The following MAP2K4 variants were observed in gnomAD, a reference collection of about 807,000 sequenced individuals.
MAP2K4 encodes the protein mitogen-activated protein kinase kinase 4.
MAP2K4 carries 4 observed loss-of-function variants against 48.5 expected under a neutral mutation model. The observed-to-expected ratio is 0.08, with a 90% confidence interval of 0.04 to 0.19. The LOEUF (loss-of-function observed/expected upper bound fraction) is 0.19. Ranked by LOEUF, MAP2K4 falls within the 10% of genes least tolerant of loss-of-function variation. The pLI, the probability that MAP2K4 is intolerant of heterozygous loss-of-function variation, is 1.00. For missense variants in MAP2K4, 258 were observed against 493.3 expected (o/e 0.52, Z 4.52); for synonymous variants, 166 against 173.1 (o/e 0.96, Z 0.32).
At chr17:12,113,722 C>CT (rs557049887) in intron 7 of MAP2K4, among the ~76,000 whole-genome samples, 5 of 152,276 alleles carry the variant, frequency 3.3e-5, no homozygotes, top group Non-Finnish European at 4.4e-5. Context: ...GCAGAATTCA[C>CT]TATGTATTAC....
chr17:12,076,200 C>T (rs1970996272), intron 2 of MAP2K4, among the ~76,000 whole-genome samples: 1 of 151,480 alleles, frequency 6.6e-6, no homozygotes, highest in Admixed American at 6.6e-5. Flanking sequence ...TTCCAGGCAG[C>T]TTTATTAGAC....
intron 10 of MAP2K4, among the ~76,000 whole-genome samples, chr17:12,140,114 T>C (rs1323582531): frequency 6.6e-6 from 1 of 152,216 alleles, no homozygotes; most frequent in African/African-American, 2.4e-5. Context: ...TCTTAACATG[T>C]TATAAAAATT....
intron 9 of MAP2K4, among the ~76,000 whole-genome samples, chr17:12,131,645 G>C (rs1360946423): frequency 6.6e-6 from 1 of 151,950 alleles, no homozygotes; most frequent in Non-Finnish European, 1.5e-5. Flanking sequence ...AGGATAATAT[G>C]GGAGAATGTT....
At chr17:12,062,525 CAG>C (rs1970482124) in intron 2 of MAP2K4, among the ~76,000 whole-genome samples, 1 of 152,094 alleles carries the variant, frequency 6.6e-6, no homozygotes, top group Admixed American at 6.5e-5. Context: ...TTGTAGAGGA[CAG>C]GGTCTTGCTA....
intron 1 of MAP2K4, among the ~76,000 whole-genome samples, chr17:12,030,730 G>A (rs1006028278): frequency 1.3e-5 from 2 of 151,198 alleles, no homozygotes; most frequent in Non-Finnish European, 2.9e-5. Flanking sequence ...TGCTCCTTTC[G>A]CCATCCATAT....
intron 5 of MAP2K4, 50 bp downstream of exon 5, chr17:12,107,959 A>T: frequency 7.0e-7 from 1 of 1,434,596 alleles, no homozygotes; most frequent in Non-Finnish European, 9.2e-7. Context: ...TTATATAGAG[A>T]TGCTGCTGGA....
chr17:12,081,640 T>A lies in MAP2K4; in HGVS notation c.393+110T>A. On this transcript the variant is annotated intron_variant, in intron 3 of 10. Transcript: ENST00000353533. This position sits in a 1 kb window ranked among gnomAD's most constrained non-coding sequence, Gnocchi z 4.2. ...TACTTTTGTGGTAAATGTGGGTGTT[T>A]AAAAAATTGTTTCTCCAACTCCTTT... 1 of 1,118,068 alleles carries A rather than the reference T, an allele frequency of 8.9e-7. No individual in the cohort carries two copies. Among genetic ancestry groups the A allele is most frequent in the Non-Finnish European group, 1.3e-6 (1 of 783,320 alleles). 69.3% of individuals were successfully genotyped at this position (1,118,068 alleles called of 1,614,324 possible). A position where few individuals can be genotyped will look rare whatever the true frequency, so the allele number is the denominator to read the frequency against.
Position 12,062,059 on chromosome 17 carries a change from TC to T in MAP2K4, c.218+7076del, listed in dbSNP as rs1268752539. On this transcript the variant is annotated intron_variant, in intron 2 of 10. Coordinates refer to ENST00000353533, the MANE Select transcript of MAP2K4 (RefSeq NM_003010.4). Reference sequence around the variant, plus strand: ...AGTTGGTCACTCAGTTCTCCCCCTCTCCCCCCCCTTTTTTTCTTTTTTTGAG... The same window carrying T: ...AGTTGGTCACTCAGTTCTCCCCCTCTCCCCCCCTTTTTTTCTTTTTTTGAG... 7.9e-5 allele frequency among the ~76,000 whole-genome samples: 11 copies of T among 139,680 alleles called. No individual in the cohort carries two copies. The East Asian group carries it at 1.4e-3, about 18-fold the overall frequency. 91.6% of individuals were successfully genotyped at this position (139,680 alleles called of 152,430 possible).
intron 6 of MAP2K4, among the ~76,000 whole-genome samples, chr17:12,112,505 G>T (rs955014697): frequency 6.6e-6 from 1 of 151,136 alleles, no homozygotes; most frequent in Admixed American, 6.6e-5. Context: ...GTTAGGAATG[G>T]ATGTTTGATA....
intron 3 of MAP2K4, among the ~76,000 whole-genome samples, chr17:12,086,330 T>TA (rs1971361000): frequency 6.6e-6 from 1 of 152,140 alleles, no homozygotes; most frequent in Admixed American, 6.5e-5. Context: ...ATGAAAAGTG[T>TA]AAGTAGAGCA....
intron 2 of MAP2K4, among the ~76,000 whole-genome samples, chr17:12,074,770 G>T (rs28922871): frequency 0.46 from 69,662 of 151,988 alleles, 16,849 homozygotes; most frequent in East Asian, 0.56. Context: ...CAACTCAAGG[G>T]TACTGCCAGG....
intron 9 of MAP2K4, among the ~76,000 whole-genome samples, chr17:12,138,644 A>G (rs1301803562): frequency 1.3e-5 from 2 of 152,178 alleles, no homozygotes; most frequent in Non-Finnish European, 1.5e-5. Context: ...CAAGAAGAGA[A>G]GTTAACCCAG....
intron 2 of MAP2K4, among the ~76,000 whole-genome samples, chr17:12,072,290 T>A (rs1054678155): frequency 6.6e-6 from 1 of 152,222 alleles, no homozygotes; most frequent in Non-Finnish European, 1.5e-5. Flanking sequence ...TATCTTGATT[T>A]CAACATTTAT....
chr17:12,041,789 A>G (rs1053992338), intron 1 of MAP2K4, among the ~76,000 whole-genome samples: 1 of 152,216 alleles, frequency 6.6e-6, no homozygotes. Flanking sequence ...TTATTGAAGA[A>G]ATATTTGAGT....
At chr17:12,121,737 T>C (rs1446371048) in intron 7 of MAP2K4, among the ~76,000 whole-genome samples, 2 of 152,200 alleles carry the variant, frequency 1.3e-5, no homozygotes, top group Non-Finnish European at 2.9e-5. Context: ...TCCCTCATGA[T>C]TAGATTCAGA....
chr17:12,135,827 G>A (rs1973189495), intron 9 of MAP2K4, among the ~76,000 whole-genome samples: 1 of 152,192 alleles, frequency 6.6e-6, no homozygotes, highest in East Asian at 1.9e-4. Flanking sequence ...TGGCATTACA[G>A]GGGTGAACCA....
chr17:12,076,482 G>A (rs1379911944), intron 2 of MAP2K4, among the ~76,000 whole-genome samples: 1 of 152,068 alleles, frequency 6.6e-6, no homozygotes, highest in Admixed American at 6.6e-5. Flanking sequence ...TAATCGGGAA[G>A]GACTTCACTG....
intron 1 of MAP2K4, among the ~76,000 whole-genome samples, chr17:12,051,925 T>A (rs572040947): frequency 0.01 from 1,474 of 144,438 alleles, 21 homozygotes; most frequent in African/African-American, 0.033. Context: ...TGCCTTTTTT[T>A]AAAAAAAAAA....
In MAP2K4 at chr17:12,045,910, G is replaced by A. The variant is rs561443813; in HGVS notation, c.116-8979G>A. Among the ~76,000 whole-genome samples the A allele has an allele frequency of 3.9e-5, 6 of 152,306 alleles. No homozygotes were observed. In the South Asian group the frequency reaches 1.2e-3, roughly 32 times the overall value. On this transcript the variant is annotated intron_variant, in intron 1 of 10. Coordinates refer to ENST00000353533, the MANE Select transcript of MAP2K4 (RefSeq NM_003010.4). ...GCCCTTTGGATTTGCCAGAGATTTA[G>A]GCATCACATGGATTTAAAAATGGTC...
Sources: allele counts gnomAD v4.1 joint callset (sites outside exome capture counted in the v4.1 genomes callset), GRCh38; gene constraint gnomAD v4.1.1; non-coding constraint Gnocchi (gnomAD v3.1); transcripts MANE v1.5; gene names NCBI Gene and HGNC (gene_info 2026-07-23, HGNC 2026-07-21).